DRC1: variants seen among roughly 807,000 people sequenced by gnomAD.
The protein encoded by DRC1 is dynein regulatory complex subunit 1.
DRC1 carries 74 observed loss-of-function variants against 98.7 expected under a neutral mutation model. That is an observed-to-expected ratio of 0.75 (90% confidence interval 0.62 to 0.91). The LOEUF is 0.91. Among genes scored for constraint, DRC1 ranks in the 40% least tolerant of loss-of-function variants. The pLI, the probability that DRC1 is intolerant of heterozygous loss-of-function variation, is 0.00. For synonymous variants in DRC1, 336 were observed against 334.1 expected, an observed-to-expected ratio of 1.01 and a Z score of -0.06; for missense variants, 875 against 886.0, an observed-to-expected ratio of 0.99 and a Z score of 0.16.
chr2:26,444,571 G>A (rs950769590), intron 9 of DRC1, 145 bp from the exon 10 acceptor site: 10 of 1,024,268 alleles, frequency 9.8e-6, no homozygotes, highest in Admixed American at 2.8e-5. Context: ...CCAGTTTATC[G>A]TAAGTGGGAA....
intron 2 of DRC1, among the ~76,000 whole-genome samples, chr2:26,418,484 G>C: frequency 7.8e-6 from 1 of 127,792 alleles, no homozygotes; most frequent in Non-Finnish European, 1.6e-5. Context: ...TGTGATAGGA[G>C]GATATATATA....
Position 26,454,887 on chromosome 2 carries a change from C to T in DRC1, c.2063+97C>T. ...TTTGCTGCCTCCCTGTCCCACTGAA[C>T]CTGGGAGGGAAGAGCTGCCCTTGGC... On this transcript the variant is annotated intron_variant, in intron 15 of 16. Coordinates refer to ENST00000288710, the MANE Select transcript of DRC1 (RefSeq NM_145038.5). The surrounding 1 kb of genome is among the most constrained non-coding windows in gnomAD (Gnocchi z 5.2). 6.4e-7 allele frequency: 1 copy of T among 1,569,446 alleles called. No individual in the cohort carries two copies. The highest frequency in any genetic ancestry group is 1.7e-5 in the Admixed American group (1 of 58,032).
In DRC1 at chr2:26,421,328, C is replaced by A. The variant is rs1324924536; in HGVS notation, c.284C>A (p.Thr95Lys). ...CTGCTCTGTGGCACCGAGTTGGTGACAAATATCCAGGTGGCTATAGATATC... is the reference window on the plus strand; with the variant it reads ...CTGCTCTGTGGCACCGAGTTGGTGAAAAATATCCAGGTGGCTATAGATATC... Reference protein sequence around the residue: ...KLLLCGTELVTNIQVAIDIRE... With the variant: ...KLLLCGTELVKNIQVAIDIRE... The change falls in exon 3 of 17, where the codon ACA becomes AAA. Residue 95 changes from threonine to lysine, a missense_variant. Thr to Lys is a moderately conservative substitution (Grantham distance 78). Coordinates refer to ENST00000288710, the MANE Select transcript of DRC1 (RefSeq NM_145038.5). The A allele has an allele frequency of 1.2e-6, 2 of 1,613,606 alleles. No individual in the cohort carries two copies. Among genetic ancestry groups the A allele is most frequent in the Non-Finnish European group, 1.7e-6 (2 of 1,179,778 alleles).
intron 7 of DRC1, among the ~76,000 whole-genome samples, chr2:26,439,112 T>A (rs1210540796): frequency 6.6e-6 from 1 of 152,162 alleles, no homozygotes; most frequent in Non-Finnish European, 1.5e-5. Context: ...TTTCTGACCA[T>A]TCCTTTCCTC....
At chr2:26,450,280 T>A (rs1282521708) in intron 12 of DRC1, among the ~76,000 whole-genome samples, 195 bp downstream of exon 12, 1 of 152,200 alleles carries the variant, frequency 6.6e-6, no homozygotes, top group African/African-American at 2.4e-5. Flanking sequence ...CTCCCACCCC[T>A]GCCTCTTCCT....
At chr2:26,426,491 C>T (rs921418021) in intron 4 of DRC1, among the ~76,000 whole-genome samples, 29 of 151,862 alleles carry the variant, frequency 1.9e-4, no homozygotes, top group African/African-American at 5.3e-4. Context: ...CTCAGCCTCC[C>T]GAGAAGCTGA....
rs369445461 is a variant in DRC1 at position 26,444,816 on chromosome 2, A to G, written c.1264A>G (p.Ile422Val). ...AGCCAGAGCCTTTGATGTGGACAGG[A>G]TCATCCACACCCATCATCTGGGGCT... ...LIARAFDVDR[I>V]IHTHHLGLPW... is the part of the protein sequence containing the mutation. Residue 422 changes from isoleucine to valine, a missense_variant, in exon 10 of 17, where the codon ATC becomes GTC. Transcript: ENST00000288710. The G allele has an allele frequency of 2.7e-5, 44 of 1,614,182 alleles. No individual in the cohort carries two copies. Among genetic ancestry groups the G allele is most frequent in the Middle Eastern group, 1.6e-4 (1 of 6,062 alleles).
At chr2:26,410,245 ATATTATTATTATTAT>A (rs10573963) in intron 1 of DRC1, among the ~76,000 whole-genome samples, 24 of 142,996 alleles carry the variant, frequency 1.7e-4, no homozygotes, top group Admixed American at 1.4e-4. Flanking sequence ...TATAGAGAAA[ATATTATTATTATTAT>A]TATTATTATT....
intron 15 of DRC1, 44 bp from the exon 16 acceptor site, chr2:26,455,087 G>A (rs768825370): frequency 2.5e-6 from 4 of 1,605,618 alleles, no homozygotes; most frequent in Non-Finnish European, 3.4e-6. Context: ...CTTGGCAGAG[G>A]ATGGAGGATT....
intron 1 of DRC1, among the ~76,000 whole-genome samples, chr2:26,406,813 C>CTTTTTTT (rs5830010): frequency 1.4e-4 from 14 of 101,604 alleles, no homozygotes; most frequent in Non-Finnish European, 1.7e-4. Flanking sequence ...TGTCACTTTC[C>CTTTTTTT]TTTTTTTTTT....
chr2:26,414,115 C>CATT lies in DRC1; in HGVS notation c.156-201_156-199dup, dbSNP rs3067393. Reference sequence around the variant, plus strand: ...ATTTATATATGAAGTACAATGGAACCATTATTATTATTATTATTATTATTA... The same window carrying CATT: ...ATTTATATATGAAGTACAATGGAACCATTATTATTATTATTATTATTATTATTA... On this transcript the variant is annotated intron_variant, in intron 1 of 16. Transcript: ENST00000288710. Among the ~76,000 whole-genome samples the CATT allele has an allele frequency of 0.34, 49,652 of 144,228 alleles. 9,526 individuals carry two copies. Among genetic ancestry groups the CATT allele is most frequent in the Non-Finnish European group, 0.44 (29,075 of 66,360 alleles). The allele number at this position is 144,228 out of a possible 152,430, so 94.6% of individuals were successfully genotyped here.
At chr2:26,411,833 G>GT (rs1156421466) in intron 1 of DRC1, among the ~76,000 whole-genome samples, 2 of 152,040 alleles carry the variant, frequency 1.3e-5, no homozygotes, top group South Asian at 2.1e-4. Context: ...GGACTGCATG[G>GT]TTTTTTTGTT....
chr2:26,451,873 T>C (rs1043196257), intron 13 of DRC1, among the ~76,000 whole-genome samples: 5 of 152,208 alleles, frequency 3.3e-5, no homozygotes, highest in Admixed American at 1.3e-4. Flanking sequence ...TTTCAACTCA[T>C]ATCATAGTTA....
chr2:26,408,202 T>A (rs1052289424), intron 1 of DRC1, among the ~76,000 whole-genome samples: 3 of 152,210 alleles, frequency 2.0e-5, no homozygotes, highest in Non-Finnish European at 4.4e-5. Context: ...AATAGGTAGA[T>A]GCCTAGAACC....
At position 26,454,193 on chromosome 2, in the gene DRC1, C is replaced by T. The variant is rs902156967; in HGVS notation, c.1920-454C>T. On this transcript the variant is annotated intron_variant, in intron 14 of 16. Coordinates refer to ENST00000288710, the MANE Select transcript of DRC1 (RefSeq NM_145038.5). This position sits in a 1 kb window ranked among gnomAD's most constrained non-coding sequence, Gnocchi z 5.2. ...AGCCGAAGAGCCATGATTAGCCTTG[C>T]GTTTTAGAGAGATCATTGTGGCGTC... Among the ~76,000 whole-genome samples the T allele has an allele frequency of 1.3e-5, 2 of 152,056 alleles. No homozygotes were observed. The highest frequency in any genetic ancestry group is 2.1e-4 in the South Asian group (1 of 4,824).
At chr2:26,412,503 T>A (rs11681904) in intron 1 of DRC1, among the ~76,000 whole-genome samples, 115,969 of 152,100 alleles carry the variant, frequency 0.76, 46,485 homozygotes, top group Non-Finnish European at 0.89. Context: ...ATGATGTAAG[T>A]GGCGTGGGGG....
At chr2:26,407,763 A>G (rs1678472421) in intron 1 of DRC1, among the ~76,000 whole-genome samples, 1 of 151,954 alleles carries the variant, frequency 6.6e-6, no homozygotes, top group African/African-American at 2.4e-5. Flanking sequence ...CGGTTCCCTG[A>G]GACTGCACAG....
chr2:26,403,777 A>AGAGCG (rs1380384455), intron 1 of DRC1, among the ~76,000 whole-genome samples: 1 of 141,968 alleles, frequency 7.0e-6, no homozygotes. Context: ...CCTGGGTGAC[A>AGAGCG]AGCACAAAAC....
At chr2:26,443,477 G>A (rs1400569143) in intron 8 of DRC1, among the ~76,000 whole-genome samples, 2 of 152,154 alleles carry the variant, frequency 1.3e-5, no homozygotes, top group Non-Finnish European at 2.9e-5. Flanking sequence ...CCCCTCCCCT[G>A]CAAGCCTGGG....
Sources: gnomAD v4.1 joint callset for allele counts (sites outside exome capture counted in the v4.1 genomes callset) on GRCh38, gnomAD v4.1.1 for gene constraint, Gnocchi (gnomAD v3.1) non-coding constraint, MANE v1.5 for transcripts, NCBI Gene and HGNC (gene_info 2026-07-23, HGNC 2026-07-21) for gene names.